PIP5K1C: variants seen among roughly 807,000 people sequenced by gnomAD.
PIP5K1C encodes phosphatidylinositol-4-phosphate 5-kinase type 1 gamma.
PIP5K1C carries 45 observed loss-of-function variants against 80.1 expected under a neutral mutation model. The observed-to-expected ratio is 0.56, with a 90% CI of 0.44 to 0.72. PIP5K1C has a LOEUF of 0.72. Ranked by LOEUF, PIP5K1C falls within the 30% of genes least tolerant of loss-of-function variation. The probability of loss-of-function intolerance (pLI) is 0.00; values close to 1 mark genes in which losing one functional copy is unlikely to be tolerated. For synonymous variants in PIP5K1C, 498 were observed against 420.1 expected (o/e 1.19, Z -2.27); for missense variants, 753 against 954.6 (o/e 0.79, Z 2.78).
intron 4 of PIP5K1C, among the ~76,000 whole-genome samples, chr19:3,661,287 C>T (rs1355133165): frequency 1.3e-5 from 2 of 148,872 alleles, no homozygotes; most frequent in African/African-American, 4.9e-5. Context: ...CTTTCATTAA[C>T]AACGGGGCCC....
chr19:3,660,585 A>G (rs2034800781), intron 5 of PIP5K1C, among the ~76,000 whole-genome samples: 1 of 152,182 alleles, frequency 6.6e-6, no homozygotes, highest in African/African-American at 2.4e-5. Flanking sequence ...AGTGGCACCC[A>G]CGTCCCAGTG....
At chr19:3,650,104 G>C (rs2034381451) in intron 8 of PIP5K1C, 1 of 156,006 alleles carries the variant, frequency 6.4e-6, no homozygotes, top group Admixed American at 6.5e-5. Context: ...CCCTGGTTGG[G>C]GCCCCGGCTC....
At position 3,688,565 on chromosome 19, in the gene PIP5K1C, G is replaced by C. The variant is rs1463876479; in HGVS notation, c.94+11732C>G. 6.6e-6 allele frequency among the ~76,000 whole-genome samples: 1 copy of C among 152,168 alleles called. No homozygotes were observed. Among genetic ancestry groups the C allele is most frequent in the Non-Finnish European group, 1.5e-5 (1 of 68,028 alleles). ...ACCTGGCCTTTCCCTGGTCCACTGA[G>C]AGCCGCGTGTGTTTTTTGCGGTTTT... is the stretch of plus-strand genomic sequence containing the variant. On this transcript the variant is annotated intron_variant, in intron 1 of 17. Coordinates refer to ENST00000335312, the MANE Select transcript of PIP5K1C (RefSeq NM_012398.3). The surrounding 1 kb of genome is among the most constrained non-coding windows in gnomAD (Gnocchi z 5.3).
intron 16 of PIP5K1C, chr19:3,636,500 G>A: frequency 4.1e-6 from 4 of 985,572 alleles, no homozygotes; most frequent in Non-Finnish European, 4.8e-6. Flanking sequence ...GGCGGCCTCT[G>A]CGAACTGCTC....
intron 5 of PIP5K1C, among the ~76,000 whole-genome samples, chr19:3,658,118 T>C (rs1322688316): frequency 6.6e-6 from 1 of 152,186 alleles, no homozygotes; most frequent in African/African-American, 2.4e-5. Context: ...CAGTCCCTCC[T>C]TGGGCTCAAG....
At chr19:3,655,422 CATAA>C (rs917207766) in intron 6 of PIP5K1C, among the ~76,000 whole-genome samples, 183 of 152,262 alleles carry the variant, frequency 1.2e-3, no homozygotes, top group African/African-American at 4.2e-3. Flanking sequence ...CGTCTCAAAA[CATAA>C]ATAAATAAAT....
rs566571555 is a variant in PIP5K1C at position 3,680,033 on chromosome 19, C to A, written c.95-12680G>T. On this transcript the variant is annotated intron_variant, in intron 1 of 17. Transcript: ENST00000335312. ...GAGAACACCCTGGCTACAGCCCCCT[C>A]GGGGGGACGTGGCAAAGGCCTGAAG... 1.1e-4 allele frequency among the ~76,000 whole-genome samples: 16 copies of A among 152,308 alleles called. No individual in the cohort carries two copies. In the East Asian group the frequency reaches 2.5e-3, roughly 24 times the overall value.
chr19:3,683,367 A>T (rs1294488258), intron 1 of PIP5K1C, among the ~76,000 whole-genome samples: 1 of 152,154 alleles, frequency 6.6e-6, no homozygotes, highest in Non-Finnish European at 1.5e-5. Flanking sequence ...GGATGGGGTC[A>T]AGAGCCCAGG....
chr19:3,685,106 A>T (rs1600080992), intron 1 of PIP5K1C, among the ~76,000 whole-genome samples: 1 of 152,246 alleles, frequency 6.6e-6, no homozygotes, highest in South Asian at 2.1e-4. Flanking sequence ...CAGTGTGAAC[A>T]TCTGAAAAAG....
At position 3,661,035 on chromosome 19, in the gene PIP5K1C, G is replaced by A. The variant is rs1306258870; in HGVS notation, c.399C>T (p.Phe133=). The A allele has an allele frequency of 6.2e-7, 1 of 1,614,144 alleles. No homozygotes were observed. The highest frequency in any genetic ancestry group is 1.7e-5 in the Admixed American group (1 of 60,026). Residue 133 remains phenylalanine, a synonymous_variant, in exon 5 of 18, where the codon TTC becomes TTT. Coordinates refer to ENST00000335312, the MANE Select transcript of PIP5K1C (RefSeq NM_012398.3). The stretch of plus-strand genomic sequence containing the variant: ...GGAAGGCGACAGGTGCATAGGTCTT[G>A]AAGCGGAAGTCCTGGAAGTGGTGGG... ...TPAHHFQDFR[F]KTYAPVAFRY...
chr19:3,695,433 C>T (rs1010931576), intron 1 of PIP5K1C, among the ~76,000 whole-genome samples: 5 of 152,226 alleles, frequency 3.3e-5, no homozygotes, highest in Admixed American at 3.3e-4. Flanking sequence ...GGGCTTTACC[C>T]CATGATTCTC....
intron 11 of PIP5K1C, 135 bp downstream of exon 11, chr19:3,645,839 T>A: frequency 1.3e-6 from 1 of 771,718 alleles, no homozygotes; most frequent in Non-Finnish European, 2.4e-6. Context: ...AGGCCCGGTC[T>A]GAGGGGGGCA....
At chr19:3,660,211 T>C (rs1324752505) in intron 5 of PIP5K1C, among the ~76,000 whole-genome samples, 4 of 152,074 alleles carry the variant, frequency 2.6e-5, no homozygotes, top group Non-Finnish European at 4.4e-5. Flanking sequence ...AAACCCCGTC[T>C]CTACTAAAAA....
rs546667343 is a variant in PIP5K1C, at chr19:3,633,065, C to T, written c.*102G>A. 35 of 687,238 alleles carry T rather than the reference C, an allele frequency of 5.1e-5. No homozygotes were observed. Among genetic ancestry groups the T allele is most frequent in the East Asian group, 2.5e-4 (9 of 36,416 alleles). 42.6% of individuals were successfully genotyped at this position (687,238 alleles called of 1,614,324 possible). The stretch of plus-strand genomic sequence containing the variant: ...GACGAGGTCCGGTGGGGCGGCGAGG[C>T]GGGCATCTCCCGAGCTCTGGGCCTC... On this transcript the variant is annotated 3_prime_UTR_variant, in exon 18 of 18. Transcript: ENST00000335312.
intron 6 of PIP5K1C, 45 bp from the exon 7 acceptor site, chr19:3,653,634 G>A (rs746524431): frequency 1.3e-6 from 2 of 1,557,700 alleles, no homozygotes; most frequent in African/African-American, 1.4e-5. Flanking sequence ...CTGGGCCACA[G>A]ACTCACGGGG....
In PIP5K1C at chr19:3,651,979, T is replaced by C. The variant is rs1380929871; in HGVS notation, c.974A>G (p.Asn325Ser). Residue 325 changes from asparagine to serine, a missense_variant, in exon 8 of 18, where the codon AAC (asparagine) becomes AGC (serine). Around this residue, in one of 6 missense-constraint regions of PIP5K1C, gnomAD observed 105 missense variants for 133.4 expected, o/e 0.79. Transcript: ENST00000335312. ...MDYSLLLGVH[N>S]IDQHERERQA... ...CCGCTCGCGCTCGTGCTGGTCGATGTTGTGCACGCCCAGCAGCAGGCTGTA... is the reference window on the plus strand; with the variant it reads ...CCGCTCGCGCTCGTGCTGGTCGATGCTGTGCACGCCCAGCAGCAGGCTGTA... 3.1e-6 allele frequency: 5 copies of C among 1,613,024 alleles called. No individual in the cohort carries two copies. Among genetic ancestry groups the C allele is most frequent in the African/African-American group, 2.7e-5 (2 of 74,950 alleles).
rs1200901713 is a variant in PIP5K1C, at chr19:3,688,227, C to CCAGCGTCCCTGTCCTCCAGGGGCG, written c.94+12046_94+12069dup. Among the ~76,000 whole-genome samples, 1 of 152,214 alleles carries CCAGCGTCCCTGTCCTCCAGGGGCG rather than the reference C, an allele frequency of 6.6e-6. No homozygotes were observed. The highest frequency in any genetic ancestry group is 2.4e-5 in the African/African-American group (1 of 41,458). On this transcript the variant is annotated intron_variant, in intron 1 of 17. Transcript: ENST00000335312. This position sits in a 1 kb window ranked among gnomAD's most constrained non-coding sequence, Gnocchi z 5.3. ...GTGGACGCCCCTCGCGGCTGGCTCC[C>CCAGCGTCCCTGTCCTCCAGGGGCG]CAGCGTCCCTGTCCTCCAGGGGCGC...
rs2033735728 is a variant in PIP5K1C, at chr19:3,637,384, T to C, written c.1920+1500A>G. Reference sequence around the variant, plus strand: ...CCCAGCGCCTGGTCCGGGGCCAGCGTGGCTGACCTCAATTGCAGCCGTGAT... The same window carrying C: ...CCCAGCGCCTGGTCCGGGGCCAGCGCGGCTGACCTCAATTGCAGCCGTGAT... On this transcript the variant is annotated intron_variant, in intron 16 of 17. Coordinates refer to ENST00000335312, the MANE Select transcript of PIP5K1C (RefSeq NM_012398.3). This position sits in a 1 kb window ranked among gnomAD's most constrained non-coding sequence, Gnocchi z 7.0. The C allele has an allele frequency of 3.3e-6, 5 of 1,535,356 alleles. No individual in the cohort carries two copies. Among genetic ancestry groups the C allele is most frequent in the Non-Finnish European group, 4.4e-6 (5 of 1,146,738 alleles).
intron 1 of PIP5K1C, among the ~76,000 whole-genome samples, chr19:3,667,925 A>G (rs2035067448): frequency 2.6e-5 from 4 of 152,124 alleles, no homozygotes; most frequent in African/African-American, 7.2e-5. Context: ...AGCGCCCAGC[A>G]CCTGGGCAGC....
Sources: allele counts gnomAD v4.1 joint callset (sites outside exome capture counted in the v4.1 genomes callset), GRCh38; gene constraint gnomAD v4.1.1; regional missense constraint gnomAD v4.1.1; non-coding constraint Gnocchi (gnomAD v3.1); transcripts MANE v1.5; gene names NCBI Gene and HGNC (gene_info 2026-07-23, HGNC 2026-07-21).